TMOD1: variants seen among roughly 807,000 people sequenced by gnomAD.
TMOD1 encodes the protein tropomodulin-1.
TMOD1 carries 17 observed loss-of-function variants against 40.6 expected under a neutral mutation model. The ratio of observed to expected loss-of-function variants is 0.42; its 90% CI spans 0.29 to 0.63. The LOEUF (loss-of-function observed/expected upper bound fraction) is 0.63. TMOD1 is among the 20% of genes least tolerant of loss of function. The pLI is 0.22. For synonymous variants in TMOD1, 181 were observed against 175.0 expected, an observed-to-expected ratio of 1.03 and a Z score of -0.27; for missense variants, 391 against 447.6, an observed-to-expected ratio of 0.87 and a Z score of 1.14.
chr9:97,566,657 C>G (rs11791428), intron 7 of TMOD1, among the ~76,000 whole-genome samples: 1 of 151,510 alleles, frequency 6.6e-6, no homozygotes, highest in Admixed American at 6.6e-5. Context: ...GGCGACAGAG[C>G]GAGGCTCCAT....
chr9:97,555,645 G>A (rs1291125705), intron 4 of TMOD1: 23 of 1,550,992 alleles, frequency 1.5e-5, no homozygotes, highest in Non-Finnish European at 1.9e-5. Context: ...ACATTTGAAA[G>A]ATGGCAGCAT....
intron 3 of TMOD1, among the ~76,000 whole-genome samples, chr9:97,549,691 A>G (rs557074985): frequency 6.6e-6 from 1 of 152,306 alleles, no homozygotes; most frequent in South Asian, 2.1e-4. Flanking sequence ...TTGATTCACA[A>G]TCATTTCCTC....
chr9:97,568,881 CTT>C lies in TMOD1; in HGVS notation c.727-12_727-11del. On this transcript the variant is annotated splice_polypyrimidine_tract_variant and intron_variant, in intron 7 of 9. Coordinates refer to ENST00000259365, the MANE Select transcript of TMOD1 (RefSeq NM_003275.4). ...TGACTCATGGGTATCCTTGCTTTCT[CTT>C]GTGCTTCAAGGCCCTTGCTGAGATG... The C allele has an allele frequency of 6.2e-7, 1 of 1,613,210 alleles. No homozygotes were observed. Among genetic ancestry groups the C allele is most frequent in the Non-Finnish European group, 8.5e-7 (1 of 1,179,268 alleles).
intron 8 of TMOD1, among the ~76,000 whole-genome samples, chr9:97,586,865 C>T (rs1057249909): frequency 4.6e-5 from 7 of 152,224 alleles, no homozygotes; most frequent in African/African-American, 9.6e-5. Flanking sequence ...TGCTTCGGCT[C>T]GCGCACGGTG....
chr9:97,566,103 G>A, intron 7 of TMOD1, 148 bp downstream of exon 7: 2 of 621,546 alleles, frequency 3.2e-6, no homozygotes, highest in Non-Finnish European at 5.5e-6. Context: ...CATGAGGGGT[G>A]TAGAGGGAAC....
chr9:97,590,622 T>G (rs7872493), intron 8 of TMOD1, among the ~76,000 whole-genome samples: 25,616 of 141,892 alleles, frequency 0.18, 2,381 homozygotes, highest in Middle Eastern at 0.36. Flanking sequence ...GGTCTTTCTG[T>G]TTTTTTTTTT....
chr9:97,561,679 T>C (rs1303941240), intron 4 of TMOD1, among the ~76,000 whole-genome samples: 1 of 152,198 alleles, frequency 6.6e-6, no homozygotes, highest in Non-Finnish European at 1.5e-5. Context: ...GTGTCATCAC[T>C]GGTGTCCTGG....
rs753737073 is a variant in TMOD1 at position 97,557,713 on chromosome 9, CAGG to C, written c.397+4319_397+4321del. Among the ~76,000 whole-genome samples the C allele has an allele frequency of 1.1e-4, 17 of 152,166 alleles. No individual in the cohort carries two copies. Among genetic ancestry groups the C allele is most frequent in the Admixed American group, 2.0e-4 (3 of 15,286 alleles). On this transcript the variant is annotated intron_variant, in intron 4 of 9. Coordinates refer to ENST00000259365, the MANE Select transcript of TMOD1 (RefSeq NM_003275.4). This position sits in a 1 kb window ranked among gnomAD's most constrained non-coding sequence, Gnocchi z 4.4. ...CAGAGCCAGCCCGAGCAGCTGGCAG[CAGG>C]AGGAGCCGGGGATGTGTGCTGTTAT...
intron 2 of TMOD1, among the ~76,000 whole-genome samples, chr9:97,528,949 C>A (rs983594252): frequency 6.6e-6 from 1 of 152,202 alleles, no homozygotes; most frequent in Non-Finnish European, 1.5e-5. Context: ...CTTATTTGAC[C>A]ATCATCATGA....
At chr9:97,544,546 A>AG (rs202205274) in intron 2 of TMOD1, among the ~76,000 whole-genome samples, 6 of 151,670 alleles carry the variant, frequency 4.0e-5, no homozygotes, top group African/African-American at 1.5e-4. Flanking sequence ...AAAAAAAAAA[A>AG]GTAAAAAAAA....
chr9:97,599,059 C>T (rs181154025), intron 9 of TMOD1, among the ~76,000 whole-genome samples: 22 of 152,310 alleles, frequency 1.4e-4, no homozygotes, highest in Non-Finnish European at 2.9e-5. Flanking sequence ...AACCTCCTGG[C>T]TAGTGCTTTC....
chr9:97,535,661 G>A (rs1377665161), intron 2 of TMOD1, among the ~76,000 whole-genome samples: 3 of 152,362 alleles, frequency 2.0e-5, no homozygotes, highest in Non-Finnish European at 2.9e-5. Flanking sequence ...GGCAGGAAAG[G>A]AGGATTTGGA....
chr9:97,534,746 G>A (rs1407587775), intron 2 of TMOD1, among the ~76,000 whole-genome samples: 1 of 152,232 alleles, frequency 6.6e-6, no homozygotes, highest in Admixed American at 6.5e-5. Flanking sequence ...CTTAGGGAGA[G>A]AGATACAGCA....
At chr9:97,553,137 T>C (rs1221870856) in intron 3 of TMOD1, 144 bp from the exon 4 acceptor site, 1 of 1,088,494 alleles carries the variant, frequency 9.2e-7, no homozygotes, top group Admixed American at 2.4e-5. Flanking sequence ...TTTGGAGAAG[T>C]TGGTCCCCAG....
chr9:97,511,681 C>CT (rs1156564043), intron 1 of TMOD1, among the ~76,000 whole-genome samples: 3 of 152,168 alleles, frequency 2.0e-5, no homozygotes, highest in Non-Finnish European at 4.4e-5. Flanking sequence ...TCCTCCTGGG[C>CT]TAAAGCAATC....
At chr9:97,549,491 T>C (rs1830415768) in intron 3 of TMOD1, among the ~76,000 whole-genome samples, 1 of 152,224 alleles carries the variant, frequency 6.6e-6, no homozygotes, top group South Asian at 2.1e-4. Flanking sequence ...GCCATTGCAT[T>C]AGTCATTTTA....
chr9:97,565,893 G>GA lies in TMOD1; in HGVS notation c.668dup (p.Asn223LysfsTer15). 6.2e-7 allele frequency: 1 copy of GA among 1,614,210 alleles called. No individual in the cohort carries two copies. Among genetic ancestry groups the GA allele is most frequent in the Non-Finnish European group, 8.5e-7 (1 of 1,180,034 alleles). On this transcript the variant is annotated frameshift_variant, in exon 7 of 10. Coordinates refer to ENST00000259365, the MANE Select transcript of TMOD1 (RefSeq NM_003275.4). LOFTEE classifies it high-confidence loss of function. ...CAAGGCATATGCAGAAGCCCTGAAA[G>GA]AAAACTCATATGTGAAGAAGTTCAG...
intron 1 of TMOD1, among the ~76,000 whole-genome samples, chr9:97,504,820 A>G (rs1020614370): frequency 6.6e-6 from 1 of 152,068 alleles, no homozygotes; most frequent in Admixed American, 6.5e-5. Flanking sequence ...CAATGTTTTG[A>G]CTTTTCAGTC....
chr9:97,564,273 C>A, intron 6 of TMOD1, 105 bp downstream of exon 6: 1 of 1,416,020 alleles, frequency 7.1e-7, no homozygotes, highest in Non-Finnish European at 9.4e-7. Context: ...TAAACAGGGT[C>A]CTGTTTGGAT....
Sources: allele counts gnomAD v4.1 joint callset (sites outside exome capture counted in the v4.1 genomes callset), GRCh38; gene constraint gnomAD v4.1.1; non-coding constraint Gnocchi (gnomAD v3.1); transcripts MANE v1.5; gene names NCBI Gene and HGNC (gene_info 2026-07-23, HGNC 2026-07-21).